Variants in CNBD1 observed in about 807,000 individuals in gnomAD.
CNBD1 encodes cyclic nucleotide binding domain containing 1.
CNBD1 carries 71 observed loss-of-function variants against 54.4 expected under a neutral mutation model. That is an observed-to-expected ratio of 1.30 (90% CI 1.08 to 1.59). The LOEUF (loss-of-function observed/expected upper bound fraction) is 1.59, where lower values mean the gene tolerates loss of function less well. CNBD1 is among the 40% of genes most tolerant of loss of function. CNBD1 has a pLI of 0.00. For missense variants in CNBD1, 659 were observed against 518.0 expected, an observed-to-expected ratio of 1.27 and a Z score of -2.64; for synonymous variants, 182 against 170.7, an observed-to-expected ratio of 1.07 and a Z score of -0.51.
In CNBD1 at chr8:87,378,212, A is replaced by T. The variant is rs1458727204; in HGVS notation, c.1304-4408A>T. Among the ~76,000 whole-genome samples, 13 of 141,164 alleles carry T rather than the reference A, an allele frequency of 9.2e-5. No individual in the cohort carries two copies. In the Admixed American group the frequency reaches 9.3e-4, roughly 10 times the overall value. 92.6% of individuals were successfully genotyped at this position (141,164 alleles called of 152,430 possible). A position where few individuals can be genotyped will look rare whatever the true frequency, so the allele number is the denominator to read the frequency against. On this transcript the variant is annotated intron_variant, in intron 10 of 10. Transcript: ENST00000518476. ...GTTGCCATTGCTTTTGGTGTTTTAG[A>T]CATGAAGTCCTTGCCCATGCCTATG...
chr8:86,969,408 T>G lies in CNBD1; in HGVS notation c.431+29654T>G, dbSNP rs536293646. Among the ~76,000 whole-genome samples, 24 of 152,292 alleles carry G rather than the reference T, an allele frequency of 1.6e-4. No homozygotes were observed. In the South Asian group the frequency reaches 4.8e-3, roughly 30 times the overall value. On this transcript the variant is annotated intron_variant, in intron 4 of 10. Transcript: ENST00000518476. ...TCTTTATAAACACTCCTTCAGAACC[T>G]TCTTTGAAAACCACTACCAGTGGCA...
chr8:87,371,693 C>G (rs1041065432), intron 10 of CNBD1, among the ~76,000 whole-genome samples: 1 of 151,954 alleles, frequency 6.6e-6, no homozygotes, highest in East Asian at 1.9e-4. Context: ...ATATGCAAAT[C>G]AATAAATGTA....
chr8:87,360,813 C>G (rs1011443120), intron 10 of CNBD1, among the ~76,000 whole-genome samples: 1 of 151,826 alleles, frequency 6.6e-6, no homozygotes, highest in South Asian at 2.1e-4. Flanking sequence ...TATAAACTAT[C>G]TGAAAGTTTC....
chr8:87,333,701 A>T (rs7814145), intron 8 of CNBD1, among the ~76,000 whole-genome samples: 25,383 of 152,164 alleles, frequency 0.17, 2,968 homozygotes, highest in African/African-American at 0.34. Context: ...CCAGCCTTGC[A>T]TCTCAGGGAT....
intron 2 of CNBD1, among the ~76,000 whole-genome samples, chr8:87,389,749 C>T (rs547234255): frequency 6.8e-6 from 1 of 147,434 alleles, no homozygotes; most frequent in East Asian, 2.0e-4. Flanking sequence ...TGGAAAAAAA[C>T]TAAAGTTCAT....
intron 4 of CNBD1, among the ~76,000 whole-genome samples, chr8:87,179,426 C>T (rs1047613773): frequency 1.3e-5 from 2 of 152,050 alleles, no homozygotes; most frequent in Non-Finnish European, 2.9e-5. Context: ...AATTTTTGCT[C>T]TCTTAAAGAA....
intron 6 of CNBD1, among the ~76,000 whole-genome samples, chr8:87,276,256 TTTA>T (rs1200588949): frequency 6.6e-6 from 1 of 151,878 alleles, no homozygotes; most frequent in Non-Finnish European, 1.5e-5. Context: ...ATGCCTTCCT[TTTA>T]TTAAGATGCT....
At chr8:87,384,061 G>C (rs1811139719), downstream of CNBD1, among the ~76,000 whole-genome samples, 2 of 151,994 alleles carry the variant, frequency 1.3e-5, no homozygotes, top group African/African-American at 4.8e-5. Context: ...AGTTATGTTA[G>C]TCTGCCTTCA....
At chr8:87,049,219 A>C (rs1810262464) in intron 4 of CNBD1, among the ~76,000 whole-genome samples, 1 of 152,116 alleles carries the variant, frequency 6.6e-6, no homozygotes, top group Non-Finnish European at 1.5e-5. Flanking sequence ...CACCCTTCTC[A>C]TGTACTCTGC....
intron 5 of CNBD1, among the ~76,000 whole-genome samples, chr8:87,207,697 CA>C (rs1444667231): frequency 3.3e-5 from 5 of 151,966 alleles, no homozygotes; most frequent in Non-Finnish European, 5.9e-5. Flanking sequence ...TTTTTTCAAA[CA>C]TTTTCTAAAA....
intron 10 of CNBD1, among the ~76,000 whole-genome samples, chr8:87,380,267 A>G (rs1047811527): frequency 1.3e-5 from 2 of 151,992 alleles, no homozygotes; most frequent in African/African-American, 4.8e-5. Flanking sequence ...TTAGAAATGG[A>G]CATGATAATA....
chr8:87,378,746 G>A (rs549486723), intron 10 of CNBD1, among the ~76,000 whole-genome samples: 2 of 151,162 alleles, frequency 1.3e-5, no homozygotes, highest in Non-Finnish European at 2.9e-5. Flanking sequence ...ACCTTGGGCA[G>A]TATGGACATT....
intron 8 of CNBD1, among the ~76,000 whole-genome samples, chr8:87,333,854 TTTTGG>T: frequency 1.3e-5 from 2 of 152,164 alleles, no homozygotes; most frequent in Middle Eastern, 3.4e-3. Flanking sequence ...TCCTGCCAGG[TTTTGG>T]TATCAGAATG....
intron 4 of CNBD1, among the ~76,000 whole-genome samples, chr8:87,051,972 C>G (rs1261426307): frequency 6.6e-6 from 1 of 152,182 alleles, no homozygotes; most frequent in African/African-American, 2.4e-5. Flanking sequence ...CCTCCAGGGA[C>G]AGTCCAACCT....
At chr8:87,224,484 A>G (rs1478759122) in intron 5 of CNBD1, among the ~76,000 whole-genome samples, 1 of 150,918 alleles carries the variant, frequency 6.6e-6, no homozygotes, top group Admixed American at 6.6e-5. Flanking sequence ...TCCCAGCACC[A>G]TTTATTAAAT....
chr8:87,272,976 G>A (rs1414971406), intron 6 of CNBD1, among the ~76,000 whole-genome samples: 1 of 151,810 alleles, frequency 6.6e-6, no homozygotes, highest in East Asian at 1.9e-4. Flanking sequence ...TTTTTACAGT[G>A]TAACATCCAA....
At chr8:87,207,806 C>G (rs971747188) in intron 5 of CNBD1, among the ~76,000 whole-genome samples, 1 of 152,122 alleles carries the variant, frequency 6.6e-6, no homozygotes, top group South Asian at 2.1e-4. Flanking sequence ...GTCAGGTATT[C>G]CAACTTGCAT....
chr8:87,192,715 C>G (rs1813638625), intron 4 of CNBD1, among the ~76,000 whole-genome samples: 1 of 152,078 alleles, frequency 6.6e-6, no homozygotes, highest in Admixed American at 6.6e-5. Flanking sequence ...TCACATCAGC[C>G]CTATGGATTC....
intron 4 of CNBD1, among the ~76,000 whole-genome samples, chr8:87,017,656 G>A (rs375117217): frequency 6.6e-6 from 1 of 152,102 alleles, no homozygotes; most frequent in South Asian, 2.1e-4. Context: ...TGAGCTGTTT[G>A]GTCTGTAAAT....
Sources: allele counts gnomAD v4.1 joint callset (sites outside exome capture counted in the v4.1 genomes callset), GRCh38; gene constraint gnomAD v4.1.1; transcripts MANE v1.5; gene names NCBI Gene and HGNC (gene_info 2026-07-23, HGNC 2026-07-21).